PREPL: variants seen among roughly 807,000 people sequenced by gnomAD.
The protein encoded by PREPL is prolyl endopeptidase-like.
Under a neutral mutation model 70.6 loss-of-function variants are expected in PREPL, and 77 were observed. The observed-to-expected ratio is 1.09, with a 90% CI of 0.91 to 1.32. The LOEUF (loss-of-function observed/expected upper bound fraction) is 1.32, where lower values mean the gene tolerates loss of function less well. Ranked by LOEUF, PREPL falls within the 40% of genes most tolerant of loss-of-function variation. The pLI is 0.00. For missense variants in PREPL, 1,002 were observed against 778.2 expected, an observed-to-expected ratio of 1.29 and a Z score of -3.42; for synonymous variants, 315 against 264.8, an observed-to-expected ratio of 1.19 and a Z score of -1.84.
intron 10 of PREPL, among the ~76,000 whole-genome samples, chr2:44,325,583 C>T (rs113359114): frequency 6.6e-6 from 1 of 152,112 alleles, no homozygotes; most frequent in Non-Finnish European, 1.5e-5. Context: ...CATAAATATC[C>T]TTCTCATCAT....
At chr2:44,330,080 G>A (rs1317070227) in intron 8 of PREPL, among the ~76,000 whole-genome samples, 1 of 151,848 alleles carries the variant, frequency 6.6e-6, no homozygotes, top group Non-Finnish European at 1.5e-5. Context: ...TACCCAAGTT[G>A]TTATGACATT....
At chr2:44,355,290 G>A (rs925633714) in intron 1 of PREPL, among the ~76,000 whole-genome samples, 1 of 152,188 alleles carries the variant, frequency 6.6e-6, no homozygotes, top group East Asian at 1.9e-4. Context: ...GCTCATGCCT[G>A]TAATCCCAGC....
intron 1 of PREPL, among the ~76,000 whole-genome samples, chr2:44,359,095 G>A (rs1434862398): frequency 8.3e-6 from 1 of 119,916 alleles, no homozygotes; most frequent in Non-Finnish European, 1.6e-5. Context: ...TTTTCAGACA[G>A]AGTCTCCCTG....
chr2:44,346,996 T>A (rs1572903968), intron 1 of PREPL, among the ~76,000 whole-genome samples: 1 of 152,224 alleles, frequency 6.6e-6, no homozygotes, highest in Middle Eastern at 3.4e-3. Flanking sequence ...TCTTTTCTTG[T>A]GGGAATAACT....
intron 9 of PREPL, among the ~76,000 whole-genome samples, chr2:44,328,067 C>A (rs1361775470): frequency 6.6e-6 from 1 of 151,446 alleles, no homozygotes; most frequent in East Asian, 2.0e-4. Flanking sequence ...GGGCGGATCA[C>A]TTGAGGTCAG....
At position 44,320,074 on chromosome 2, in the gene PREPL, G is replaced by C; in HGVS notation, c.*1282C>G. On this transcript the variant is annotated 3_prime_UTR_variant, in exon 14 of 14. Coordinates refer to ENST00000409411, the MANE Select transcript of PREPL (RefSeq NM_001171613.2). ...ACCTACTTATTGATGCTTACAATTTGGCAATTATAAGGGGCAAAATTGGAG... is the reference window on the plus strand; with the variant it reads ...ACCTACTTATTGATGCTTACAATTTCGCAATTATAAGGGGCAAAATTGGAG... The C allele has an allele frequency of 2.8e-6, 2 of 710,620 alleles. No individual in the cohort carries two copies. Among genetic ancestry groups the C allele is most frequent in the Non-Finnish European group, 4.7e-6 (2 of 428,114 alleles). 44.0% of individuals were successfully genotyped at this position (710,620 alleles called of 1,614,324 possible). A position where few individuals can be genotyped will look rare whatever the true frequency, so the allele number is the denominator to read the frequency against.
At position 44,346,400 on chromosome 2, in the gene PREPL, G is replaced by GTT; in HGVS notation, c.-48-12_-48-11dup. Reference sequence around the variant, plus strand: ...TAACAGGCTGAAGATCCTGGAAAAAGTTTTGTTATGATCAAAATATTTCAA... The same window carrying GTT: ...TAACAGGCTGAAGATCCTGGAAAAAGTTTTTTGTTATGATCAAAATATTTCAA... On this transcript the variant is annotated splice_polypyrimidine_tract_variant and intron_variant, in intron 1 of 13. Coordinates refer to ENST00000409411, the MANE Select transcript of PREPL (RefSeq NM_001171613.2). The GTT allele has an allele frequency of 6.2e-7, 1 of 1,609,402 alleles. No individual in the cohort carries two copies. The highest frequency in any genetic ancestry group is 8.5e-7 in the Non-Finnish European group (1 of 1,178,650).
At position 44,329,070 on chromosome 2, in the gene PREPL, A is replaced by G. The variant is rs759104242; in HGVS notation, c.1129T>C (p.Ser377Pro). The G allele has an allele frequency of 2.2e-5, 36 of 1,611,022 alleles. No homozygotes were observed. The highest frequency in any genetic ancestry group is 2.9e-5 in the Non-Finnish European group (34 of 1,177,358). Residue 377 changes from serine to proline, a missense_variant, in exon 9 of 14, where the codon TCT (serine) becomes CCT (proline). Ser to Pro is a moderately conservative substitution (Grantham distance 74). Transcript: ENST00000409411. ...AGAGGTTTCTTCTGCAAGTCCTCAG[A>G]GTCAGTTTTGTGGAAAACAGTCATT... ...VPMTVFHKTD[S>P]EDLQKKPLLV...
chr2:44,352,924 A>G (rs1255034740), intron 1 of PREPL, among the ~76,000 whole-genome samples: 2 of 152,178 alleles, frequency 1.3e-5, no homozygotes, highest in Non-Finnish European at 2.9e-5. Context: ...ATTCAAGAAG[A>G]AAAACTATAG....
At chr2:44,344,903 T>G (rs1675623276) in intron 2 of PREPL, among the ~76,000 whole-genome samples, 1 of 152,184 alleles carries the variant, frequency 6.6e-6, no homozygotes, top group Non-Finnish European at 1.5e-5. Flanking sequence ...ATCTGATACC[T>G]GTACAGTGGG....
intron 9 of PREPL, among the ~76,000 whole-genome samples, chr2:44,328,229 T>G (rs974540469): frequency 6.4e-5 from 9 of 141,726 alleles, no homozygotes; most frequent in African/African-American, 2.4e-4. Flanking sequence ...ATCATGCCAC[T>G]GCACACTCCA....
Position 44,339,248 on chromosome 2 carries a change from C to T in PREPL, c.601G>A (p.Val201Ile). ...IDGLSPWDPP[V>I]LIQKRIHGVL... The stretch of plus-strand genomic sequence containing the variant: ...CCATGTATTCGCTTCTGGATAAGTA[C>T]TGGTGGGTCCCAAGGGCTCAGGCCA... Residue 201 changes from valine (V) to isoleucine (I), a missense_variant, in exon 6 of 14, where the codon GTA becomes ATA. Physicochemically the swap from Val to Ile is conservative, Grantham distance 29 (BLOSUM62 3). Transcript: ENST00000409411. The T allele has an allele frequency of 6.2e-7, 1 of 1,614,124 alleles. No individual in the cohort carries two copies. Among genetic ancestry groups the T allele is most frequent in the Non-Finnish European group, 8.5e-7 (1 of 1,180,000 alleles).
At chr2:44,359,547 T>TC in intron 1 of PREPL, 1 of 1,613,574 alleles carries the variant, frequency 6.2e-7, no homozygotes, top group East Asian at 2.2e-5. Flanking sequence ...TCTGATATCT[T>TC]GGGTTTATTC....
intron 7 of PREPL, among the ~76,000 whole-genome samples, chr2:44,336,178 G>C (rs763125785): frequency 9.9e-5 from 15 of 152,140 alleles, no homozygotes; most frequent in African/African-American, 1.7e-4. Flanking sequence ...ACTACTATTT[G>C]ACTCAGCAAT....
chr2:44,322,382 A>T (rs1673062370), intron 12 of PREPL, among the ~76,000 whole-genome samples: 1 of 152,216 alleles, frequency 6.6e-6, no homozygotes, highest in Non-Finnish European at 1.5e-5. Context: ...AAAATCTCAG[A>T]ATCTGTCTTT....
At position 44,318,951 on chromosome 2, in the gene PREPL, TCAA is replaced by T. The variant is rs1415382340; in HGVS notation, c.*2402_*2404del. 1 of 152,276 alleles carries T rather than the reference TCAA, an allele frequency of 6.6e-6. No homozygotes were observed. The highest frequency in any genetic ancestry group is 1.9e-4 in the East Asian group (1 of 5,192). 9.4% of individuals were successfully genotyped at this position (152,276 alleles called of 1,614,324 possible). A position where few individuals can be genotyped will look rare whatever the true frequency, so the allele number is the denominator to read the frequency against. ...AAATCTGCAATTACAGAAAAAGACT[TCAA>T]CATACTTTTAGAAAGTAGTAACTCA... On this transcript the variant is annotated 3_prime_UTR_variant, in exon 14 of 14. Transcript: ENST00000409411.
At chr2:44,346,537 T>C (rs1481618920) in intron 1 of PREPL, 147 bp from the exon 2 acceptor site, 4 of 715,562 alleles carry the variant, frequency 5.6e-6, no homozygotes, top group South Asian at 5.5e-5. Flanking sequence ...AGATTGTAAA[T>C]GTTCTTTCCT....
Position 44,339,404 on chromosome 2 carries a change from A to G in PREPL, c.486-41T>C, listed in dbSNP as rs552678770. On this transcript the variant is annotated intron_variant, in intron 5 of 13. Coordinates refer to ENST00000409411, the MANE Select transcript of PREPL (RefSeq NM_001171613.2). ...GAGACATGAGATCACAGTTTATTTC[A>G]GATGCATGCTACCTTGTTAAGGACA... 7 of 1,603,576 alleles carry G rather than the reference A, an allele frequency of 4.4e-6. No individual in the cohort carries two copies. In the South Asian group the frequency reaches 7.8e-5, roughly 18 times the overall value.
chr2:44,329,639 A>G (rs561886324), intron 8 of PREPL, among the ~76,000 whole-genome samples: 3 of 152,262 alleles, frequency 2.0e-5, no homozygotes, highest in East Asian at 1.9e-4. Context: ...AACTACCACA[A>G]TCCTCTTCAA....
Sources: allele counts gnomAD v4.1 joint callset (sites outside exome capture counted in the v4.1 genomes callset), GRCh38; gene constraint gnomAD v4.1.1; transcripts MANE v1.5; gene names NCBI Gene and HGNC (gene_info 2026-07-23, HGNC 2026-07-21).